The following ARFIP1 variants were observed in gnomAD, a reference collection of about 807,000 sequenced individuals.
ARFIP1 encodes arfaptin-1.
In ARFIP1, 24 loss-of-function variants were observed where a neutral mutation model predicts 42.5. That is an observed-to-expected ratio of 0.57 (90% CI 0.41 to 0.80). The LOEUF (loss-of-function observed/expected upper bound fraction) is 0.80, where lower values mean the gene tolerates loss of function less well. Among genes scored for constraint, ARFIP1 ranks in the 30% least tolerant of loss-of-function variants. The pLI, the probability that ARFIP1 is intolerant of heterozygous loss-of-function variation, is 0.00. For synonymous variants in ARFIP1, 141 were observed against 153.7 expected, an observed-to-expected ratio of 0.92 and a Z score of 0.61; for missense variants, 354 against 434.0, an observed-to-expected ratio of 0.82 and a Z score of 1.64.
intron 1 of ARFIP1, among the ~76,000 whole-genome samples, chr4:152,816,443 G>A (rs920443469): frequency 6.6e-6 from 1 of 152,066 alleles, no homozygotes; most frequent in African/African-American, 2.4e-5. Context: ...TGTACTTACT[G>A]TTCTCTCTGC....
intron 2 of ARFIP1, among the ~76,000 whole-genome samples, chr4:152,846,740 G>C (rs1334024447): frequency 6.6e-6 from 1 of 152,006 alleles, no homozygotes; most frequent in Non-Finnish European, 1.5e-5. Context: ...AGTTTTCTGA[G>C]GTACTTTACT....
chr4:152,906,306 T>C (rs1053272258), intron 8 of ARFIP1, among the ~76,000 whole-genome samples: 3 of 152,230 alleles, frequency 2.0e-5, no homozygotes, highest in Non-Finnish European at 2.9e-5. Context: ...TTAAGAGATA[T>C]CTCAAGCATG....
intron 2 of ARFIP1, among the ~76,000 whole-genome samples, chr4:152,838,387 G>A (rs1046013868): frequency 2.6e-5 from 4 of 152,106 alleles, no homozygotes; most frequent in Non-Finnish European, 4.4e-5. Flanking sequence ...TCACAATATT[G>A]ATTCTACCCA....
chr4:152,792,520 G>A (rs760468279), intron 1 of ARFIP1, among the ~76,000 whole-genome samples: 8 of 152,144 alleles, frequency 5.3e-5, no homozygotes, highest in Non-Finnish European at 1.0e-4. Flanking sequence ...CCTGTTATAT[G>A]AGTACCTGAA....
At chr4:152,783,803 G>C (rs1288629737) in intron 1 of ARFIP1, among the ~76,000 whole-genome samples, 1 of 152,098 alleles carries the variant, frequency 6.6e-6, no homozygotes, top group East Asian at 1.9e-4. Flanking sequence ...CAGTTGGTAG[G>C]GGTTTCCTAT....
intron 1 of ARFIP1, among the ~76,000 whole-genome samples, chr4:152,781,234 C>CTTTTTT (rs535397594): frequency 3.5e-4 from 42 of 118,900 alleles, no homozygotes; most frequent in African/African-American, 4.5e-4. Context: ...TTTCTTTTTT[C>CTTTTTT]TTTTTTTTTT....
At chr4:152,866,597 C>T (rs1453688079) in intron 3 of ARFIP1, among the ~76,000 whole-genome samples, 4 of 151,524 alleles carry the variant, frequency 2.6e-5, no homozygotes, top group African/African-American at 9.7e-5. Flanking sequence ...GGGGCTGACC[C>T]CCACCTCTCT....
intron 1 of ARFIP1, among the ~76,000 whole-genome samples, chr4:152,786,662 CCTT>C (rs1419510237): frequency 1.3e-5 from 2 of 152,234 alleles, no homozygotes; most frequent in Admixed American, 6.5e-5. Flanking sequence ...TTATCACTCT[CCTT>C]CTTCCTCCCC....
intron 3 of ARFIP1, among the ~76,000 whole-genome samples, chr4:152,867,346 A>G (rs1157948769): frequency 6.6e-6 from 1 of 151,960 alleles, no homozygotes; most frequent in East Asian, 1.9e-4. Flanking sequence ...AAACACAAAA[A>G]CCAGTCAGGC....
chr4:152,790,327 C>G (rs1230227133), intron 1 of ARFIP1, among the ~76,000 whole-genome samples: 1 of 152,122 alleles, frequency 6.6e-6, no homozygotes, highest in Admixed American at 6.5e-5. Flanking sequence ...TGAATGAAAT[C>G]AATTACAACA....
At chr4:152,890,122 C>T (rs534851670) in intron 8 of ARFIP1, among the ~76,000 whole-genome samples, 116 of 151,618 alleles carry the variant, frequency 7.7e-4, no homozygotes, top group Non-Finnish European at 1.1e-3. Flanking sequence ...GAAGAATATA[C>T]GTGTTTGATA....
At chr4:152,837,569 A>G (rs1731755361) in intron 2 of ARFIP1, among the ~76,000 whole-genome samples, 1 of 152,132 alleles carries the variant, frequency 6.6e-6, no homozygotes, top group South Asian at 2.1e-4. Context: ...GGCCATTTGT[A>G]TATCTTCTTT....
At position 152,838,712 on chromosome 4, in the gene ARFIP1, C is replaced by T. The variant is rs374610781; in HGVS notation, c.93+8986C>T. On this transcript the variant is annotated intron_variant, in intron 2 of 8. Coordinates refer to ENST00000353617, the MANE Select transcript of ARFIP1 (RefSeq NM_001025595.3). The stretch of plus-strand genomic sequence containing the variant: ...CCTTAGGGTTTTCGAGGTAAACAAT[C>T]ATATCATCAGCAAACAGTGACAGTC... Among the ~76,000 whole-genome samples the T allele has an allele frequency of 1.7e-4, 26 of 152,180 alleles. 1 individual carries two copies. The East Asian group carries it at 2.9e-3, about 17-fold the overall frequency.
intron 2 of ARFIP1, among the ~76,000 whole-genome samples, chr4:152,833,242 CA>C (rs141860697): frequency 9.3e-4 from 127 of 136,260 alleles, no homozygotes; most frequent in Middle Eastern, 3.7e-3. Flanking sequence ...AGACATTTTT[CA>C]AAAAAAAAAA....
chr4:152,820,905 G>A (rs186672220), intron 1 of ARFIP1, among the ~76,000 whole-genome samples: 23 of 152,220 alleles, frequency 1.5e-4, no homozygotes, highest in Middle Eastern at 6.8e-3. Context: ...GAAAGCACCC[G>A]GAGCTGAAGC....
rs760532325 is a variant in ARFIP1, at chr4:152,910,106, A to G, written c.1009A>G (p.Ile337Val). 5 of 1,614,110 alleles carry G rather than the reference A, an allele frequency of 3.1e-6. No individual in the cohort carries two copies. The highest frequency in any genetic ancestry group is 4.2e-6 in the Non-Finnish European group (5 of 1,180,034). ...TCAGCTGGTCCTTTTCCACAATGCCATTGCCGCTTACTTTGCTGGGAATCA... is the reference window on the plus strand; with the variant it reads ...TCAGCTGGTCCTTTTCCACAATGCCGTTGCCGCTTACTTTGCTGGGAATCA... ...HNQLVLFHNA[I>V]AAYFAGNQKQ... is the part of the protein sequence containing the mutation. The change falls in exon 9 of 9, where the codon ATT becomes GTT. Residue 337 changes from isoleucine (I) to valine (V), a missense_variant. Physicochemically the swap from Ile to Val is conservative, Grantham distance 29. Coordinates refer to ENST00000353617, the MANE Select transcript of ARFIP1 (RefSeq NM_001025595.3).
chr4:152,855,337 C>T (rs1040764815), intron 2 of ARFIP1, among the ~76,000 whole-genome samples: 2 of 152,052 alleles, frequency 1.3e-5, no homozygotes, highest in African/African-American at 2.4e-5. Flanking sequence ...ATGGTGTGTA[C>T]AGGTGTGCTA....
intron 8 of ARFIP1, among the ~76,000 whole-genome samples, chr4:152,907,216 A>G (rs559813490): frequency 6.6e-6 from 1 of 152,224 alleles, no homozygotes; most frequent in Non-Finnish European, 1.5e-5. Flanking sequence ...TGTAATATTT[A>G]TTATATGAAT....
At chr4:152,838,045 A>G (rs1731791078) in intron 2 of ARFIP1, among the ~76,000 whole-genome samples, 1 of 151,828 alleles carries the variant, frequency 6.6e-6, no homozygotes, top group African/African-American at 2.4e-5. Context: ...CCCTTTCCCC[A>G]CTTTATGTTA....
Sources: gnomAD v4.1 joint callset for allele counts (sites outside exome capture counted in the v4.1 genomes callset) on GRCh38, gnomAD v4.1.1 for gene constraint, MANE v1.5 for transcripts, NCBI Gene and HGNC (gene_info 2026-07-23, HGNC 2026-07-21) for gene names.